Variants in EEPD1 observed in about 807,000 individuals in gnomAD.
EEPD1 encodes the protein endonuclease/exonuclease/phosphatase family domain-containing protein 1.
In EEPD1, 17 loss-of-function variants were observed where a neutral mutation model predicts 46.3. The observed-to-expected ratio is 0.37, with a 90% CI of 0.25 to 0.55. The LOEUF is 0.55. EEPD1 is among the 20% of genes least tolerant of loss of function. EEPD1 has a pLI of 0.83. For synonymous variants in EEPD1, 313 were observed against 315.6 expected (o/e 0.99, Z 0.09); for missense variants, 673 against 745.6 (o/e 0.90, Z 1.13).
At chr7:36,268,432 T>C (rs1025012572) in intron 3 of EEPD1, among the ~76,000 whole-genome samples, 2 of 152,210 alleles carry the variant, frequency 1.3e-5, no homozygotes, top group Non-Finnish European at 2.9e-5. Context: ...GTGCTGGGAT[T>C]ACAGGCATGA....
rs747001606 is a variant in EEPD1 at position 36,238,969 on chromosome 7, A to AT, written c.879-8dup. ...TGATTTGTTTTCAAGTGTGGTTTTG[A>AT]TTTTTTTTCTTACAGCATCAAGCTT... On this transcript the variant is annotated splice_polypyrimidine_tract_variant and intron_variant, in intron 2 of 7. Transcript: ENST00000242108. 5.9e-5 allele frequency: 94 copies of AT among 1,602,042 alleles called. No homozygotes were observed. The highest frequency in any genetic ancestry group is 2.5e-4 in the Admixed American group (14 of 56,114).
At chr7:36,200,926 A>G (rs182197853) in intron 2 of EEPD1, among the ~76,000 whole-genome samples, 109 of 152,358 alleles carry the variant, frequency 7.2e-4, no homozygotes, top group African/African-American at 2.5e-3. Flanking sequence ...GCAACTTTCC[A>G]TTGGAGATAT....
chr7:36,216,779 C>T (rs1786035853), intron 2 of EEPD1, among the ~76,000 whole-genome samples: 1 of 152,140 alleles, frequency 6.6e-6, no homozygotes, highest in Non-Finnish European at 1.5e-5. Context: ...ATAATAATGA[C>T]AGTAATTTAC....
Position 36,244,633 on chromosome 7 carries a change from G to A in EEPD1, c.930+5597G>A, listed in dbSNP as rs1344500880. Among the ~76,000 whole-genome samples, 5 of 152,250 alleles carry A rather than the reference G, an allele frequency of 3.3e-5. No individual in the cohort carries two copies. The East Asian group carries it at 7.7e-4, about 23-fold the overall frequency. ...TTGGCAGAGCCGAGTTCTCCTCCCG[G>A]TGTGGCCTCTGCTGAGCTGCTGTGT... On this transcript the variant is annotated intron_variant, in intron 3 of 7. Transcript: ENST00000242108.
chr7:36,216,481 C>T (rs1462691944), intron 2 of EEPD1, among the ~76,000 whole-genome samples: 1 of 152,202 alleles, frequency 6.6e-6, no homozygotes, highest in African/African-American at 2.4e-5. Context: ...GTGGATTGTG[C>T]AACTGCTAGT....
At chr7:36,224,997 G>C (rs910078521) in intron 2 of EEPD1, among the ~76,000 whole-genome samples, 1 of 151,998 alleles carries the variant, frequency 6.6e-6, no homozygotes, top group South Asian at 2.1e-4. Flanking sequence ...TGACCATGGC[G>C]ACAGACTGGA....
intron 3 of EEPD1, among the ~76,000 whole-genome samples, chr7:36,270,669 G>C (rs1053996861): frequency 6.6e-6 from 1 of 152,198 alleles, no homozygotes; most frequent in Non-Finnish European, 1.5e-5. Flanking sequence ...GTATTCCATG[G>C]TGTATATGTG....
intron 2 of EEPD1, among the ~76,000 whole-genome samples, chr7:36,233,389 C>T (rs73093533): frequency 6.6e-6 from 1 of 152,376 alleles, no homozygotes; most frequent in Non-Finnish European, 1.5e-5. Context: ...TGCTATTACC[C>T]ATTCAGGCTG....
intron 3 of EEPD1, among the ~76,000 whole-genome samples, chr7:36,250,655 T>G (rs1786721945): frequency 6.6e-6 from 1 of 152,080 alleles, no homozygotes; most frequent in Admixed American, 6.6e-5. Flanking sequence ...TTTTATAGAG[T>G]TAGAGTTTGC....
At chr7:36,221,300 G>A (rs1786142858) in intron 2 of EEPD1, among the ~76,000 whole-genome samples, 1 of 152,178 alleles carries the variant, frequency 6.6e-6, no homozygotes, top group Admixed American at 6.5e-5. Context: ...AGCTTTGAAA[G>A]TATTTAAGAG....
intron 2 of EEPD1, among the ~76,000 whole-genome samples, chr7:36,219,471 G>C (rs1006126124): frequency 3.4e-5 from 5 of 148,910 alleles, no homozygotes; most frequent in Non-Finnish European, 7.4e-5. Flanking sequence ...TTTGAAACCA[G>C]CCTGAGCAAC....
intron 3 of EEPD1, among the ~76,000 whole-genome samples, chr7:36,269,036 T>C (rs1449077598): frequency 1.3e-5 from 2 of 152,196 alleles, no homozygotes; most frequent in South Asian, 2.1e-4. Context: ...ATCTGAGTGA[T>C]GGCAGTAGTG....
At chr7:36,155,235 T>C in intron 2 of EEPD1, 33 bp downstream of exon 2, 1 of 1,497,418 alleles carries the variant, frequency 6.7e-7, no homozygotes, top group Non-Finnish European at 8.9e-7. Flanking sequence ...GTGTTGGGTG[T>C]GAAGGCAACT....
At chr7:36,263,954 AG>A (rs1436544522) in intron 3 of EEPD1, among the ~76,000 whole-genome samples, 35 of 152,234 alleles carry the variant, frequency 2.3e-4, no homozygotes, top group African/African-American at 8.2e-4. Context: ...AGGATGTGGC[AG>A]GGACATTTTT....
rs138730039 is a variant in EEPD1 at position 36,199,368 on chromosome 7, C to G, written c.879-39617C>G. On this transcript the variant is annotated intron_variant, in intron 2 of 7. Transcript: ENST00000242108. ...TATGGAAAGCTCATTACCTGCCCCCCCTTTAGAATTTTAACTTGCCTGATT... is the reference window on the plus strand; with the variant it reads ...TATGGAAAGCTCATTACCTGCCCCCGCTTTAGAATTTTAACTTGCCTGATT... 5.3e-3 allele frequency among the ~76,000 whole-genome samples: 814 copies of G among 152,246 alleles called. 3 individuals are homozygous for G. Among genetic ancestry groups the G allele is most frequent in the Non-Finnish European group, 8.1e-3 (549 of 68,018 alleles).
intron 2 of EEPD1, among the ~76,000 whole-genome samples, chr7:36,219,654 GAGGA>G (rs1258739586): frequency 6.8e-6 from 1 of 146,542 alleles, no homozygotes; most frequent in Non-Finnish European, 1.5e-5. Context: ...GAAGGAGGAA[GAGGA>G]AGGAAGGAAA....
Position 36,272,587 on chromosome 7 carries a change from C to T in EEPD1, c.931-8528C>T, listed in dbSNP as rs141527548. On this transcript the variant is annotated intron_variant, in intron 3 of 7. Transcript: ENST00000242108. The stretch of plus-strand genomic sequence containing the variant: ...CCATGTGGTTGGTATCTTTGGGGCA[C>T]ATGGAGAGGCTAACAGAACCAGCAG... Among the ~76,000 whole-genome samples, 120 of 148,878 alleles carry T rather than the reference C, an allele frequency of 8.1e-4. No homozygotes were observed. In the South Asian group the frequency reaches 8.1e-3, roughly 10 times the overall value.
intron 2 of EEPD1, among the ~76,000 whole-genome samples, chr7:36,168,890 AG>A (rs1167523953): frequency 6.6e-6 from 1 of 152,150 alleles, no homozygotes; most frequent in Non-Finnish European, 1.5e-5. Flanking sequence ...CAAGCGCTTT[AG>A]GAAGTCATCT....
At chr7:36,174,313 T>C (rs555176920) in intron 2 of EEPD1, among the ~76,000 whole-genome samples, 9 of 152,256 alleles carry the variant, frequency 5.9e-5, no homozygotes, top group Non-Finnish European at 1.3e-4. Flanking sequence ...TACACCCTGA[T>C]ACACAGATTC....
Sources: gnomAD v4.1 joint callset for allele counts (sites outside exome capture counted in the v4.1 genomes callset) on GRCh38, gnomAD v4.1.1 for gene constraint, MANE v1.5 for transcripts, NCBI Gene and HGNC (gene_info 2026-07-23, HGNC 2026-07-21) for gene names.